Variants in EYS observed in about 807,000 individuals in gnomAD.
The protein encoded by EYS is EGF-like photoreceptor maintenance factor.
In EYS, 250 loss-of-function variants were observed where a neutral mutation model predicts 282.1. That is an observed-to-expected ratio of 0.89 (90% confidence interval 0.80 to 0.98). The LOEUF (loss-of-function observed/expected upper bound fraction) is 0.98. Ranked by LOEUF, EYS falls within the 50% of genes least tolerant of loss-of-function variation. The pLI is 0.00. For synonymous variants in EYS, 1,355 were observed against 1,282.9 expected (o/e 1.06, Z -1.20); for missense variants, 4,016 against 3,709.0 (o/e 1.08, Z -2.15).
chr6:64,488,535 T>C (rs1483929884), intron 26 of EYS, among the ~76,000 whole-genome samples: 1 of 151,108 alleles, frequency 6.6e-6, no homozygotes, highest in Non-Finnish European at 1.5e-5. Flanking sequence ...TAAGACACTC[T>C]GCCATATGCA....
chr6:65,466,616 T>C (rs73741589), intron 5 of EYS, among the ~76,000 whole-genome samples: 2,679 of 151,516 alleles, frequency 0.018, 75 homozygotes, highest in African/African-American at 0.062. Context: ...ATAAGAGATA[T>C]TTGGAAATTG....
At position 64,948,458 on chromosome 6, in the gene EYS, TTATTAAA is replaced by T. The variant is rs1327850007; in HGVS notation, c.2260-2551_2260-2545del. On this transcript the variant is annotated intron_variant, in intron 14 of 42. Transcript: ENST00000503581. ...ATAATATTAAATATTGTATTTAATA[TTATTAAA>T]TATTAAATATTAATAACTATTAAAT... 5.4e-5 allele frequency among the ~76,000 whole-genome samples: 8 copies of T among 147,194 alleles called. No homozygotes were observed. In the East Asian group the frequency reaches 7.8e-4, roughly 14 times the overall value.
chr6:64,939,841 C>T (rs942640900), intron 15 of EYS, among the ~76,000 whole-genome samples: 4 of 152,032 alleles, frequency 2.6e-5, no homozygotes, highest in African/African-American at 9.6e-5. Flanking sequence ...TCAACAATTT[C>T]ATAGAACATC....
chr6:64,852,137 T>C (rs1208819841), intron 19 of EYS, among the ~76,000 whole-genome samples: 3 of 110,862 alleles, frequency 2.7e-5, no homozygotes, highest in African/African-American at 9.0e-5. Context: ...TTCACAGTTT[T>C]ATGCTGTGAT....
At chr6:64,418,470 C>A (rs575725510) in intron 28 of EYS, among the ~76,000 whole-genome samples, 1 of 152,032 alleles carries the variant, frequency 6.6e-6, no homozygotes, top group African/African-American at 2.4e-5. Flanking sequence ...TCTGTGTGTT[C>A]GAATGAGAAA....
Position 63,788,198 on chromosome 6 carries a change from G to C in EYS, c.7630C>G (p.Leu2544Val), listed in dbSNP as rs1770415885. ...SIIAPGRLVG[L>V]NVFSQFYVGG... ...ACATAAAACTGACTGAAGACATTGAGACCAACCAGTCTTCCTGGGGCGATA... is the reference window on the plus strand; with the variant it reads ...ACATAAAACTGACTGAAGACATTGACACCAACCAGTCTTCCTGGGGCGATA... The change falls in exon 39 of 43, where the codon CTC becomes GTC. Residue 2544 changes from leucine (L) to valine (V), a missense_variant. By Grantham distance (32) the Leu-to-Val change is conservative. Transcript: ENST00000503581. The C allele has an allele frequency of 6.5e-7, 1 of 1,547,764 alleles. No individual in the cohort carries two copies. The highest frequency in any genetic ancestry group is 2.5e-5 in the East Asian group (1 of 40,778).
chr6:64,467,887 T>A (rs1775978441), intron 26 of EYS, among the ~76,000 whole-genome samples: 1 of 152,020 alleles, frequency 6.6e-6, no homozygotes, highest in African/African-American at 2.4e-5. Flanking sequence ...CTCAAGGGGT[T>A]TGGGGATTGG....
chr6:63,883,569 T>G (rs994335551), intron 35 of EYS, among the ~76,000 whole-genome samples: 6 of 152,238 alleles, frequency 3.9e-5, no homozygotes, highest in Non-Finnish European at 8.8e-5. Context: ...CCCAGCAGAA[T>G]AGAATCCTCG....
intron 12 of EYS, among the ~76,000 whole-genome samples, chr6:65,240,637 T>G (rs1767034539): frequency 6.6e-6 from 1 of 152,192 alleles, no homozygotes; most frequent in Non-Finnish European, 1.5e-5. Context: ...TATGGCTGCA[T>G]AGTATTCTGT....
At chr6:65,161,388 A>T (rs1278837896) in intron 12 of EYS, among the ~76,000 whole-genome samples, 1 of 150,922 alleles carries the variant, frequency 6.6e-6, no homozygotes, top group Non-Finnish European at 1.5e-5. Flanking sequence ...TTCCCATAGG[A>T]TAATGTACAA....
intron 1 of EYS, among the ~76,000 whole-genome samples, chr6:65,670,567 C>T (rs1191185819): frequency 6.6e-6 from 1 of 151,976 alleles, no homozygotes; most frequent in Admixed American, 6.6e-5. Context: ...CTGGGTTAAT[C>T]ATCCAAACTC....
At chr6:64,268,467 TGAAA>T (rs1291767275) in intron 30 of EYS, among the ~76,000 whole-genome samples, 3 of 151,998 alleles carry the variant, frequency 2.0e-5, no homozygotes, top group Non-Finnish European at 4.4e-5. Flanking sequence ...TACATAATAA[TGAAA>T]GAACAATATA....
In EYS at chr6:64,550,717, G is replaced by A. The variant is rs567042504; in HGVS notation, c.5644+39506C>T. ...GATTGTATATCTAGAAAACCCCATC[G>A]TCTCAGCCCAAAATCTCCTTAAGCT... On this transcript the variant is annotated intron_variant, in intron 26 of 42. Coordinates refer to ENST00000503581, the MANE Select transcript of EYS (RefSeq NM_001142800.2). Among the ~76,000 whole-genome samples, 23 of 152,142 alleles carry A rather than the reference G, an allele frequency of 1.5e-4. No homozygotes were observed. The South Asian group carries it at 2.3e-3, about 15-fold the overall frequency.
At chr6:65,227,819 A>C (rs1187824981) in intron 12 of EYS, among the ~76,000 whole-genome samples, 1 of 152,108 alleles carries the variant, frequency 6.6e-6, no homozygotes, top group Non-Finnish European at 1.5e-5. Context: ...AGCCAGACAA[A>C]AAAAGGACAG....
intron 5 of EYS, among the ~76,000 whole-genome samples, chr6:65,453,472 A>C (rs1764484671): frequency 6.6e-6 from 1 of 152,034 alleles, no homozygotes; most frequent in Admixed American, 6.6e-5. Context: ...ATAATGACCC[A>C]ATCAGGGTAG....
At chr6:65,645,815 G>A (rs890758291) in intron 1 of EYS, among the ~76,000 whole-genome samples, 1 of 151,894 alleles carries the variant, frequency 6.6e-6, no homozygotes. Flanking sequence ...GAAGTTTGAA[G>A]TATGCTCAAT....
chr6:63,926,599 C>G (rs1305506207), intron 35 of EYS, among the ~76,000 whole-genome samples: 2 of 152,162 alleles, frequency 1.3e-5, no homozygotes, highest in Non-Finnish European at 2.9e-5. Context: ...ATTATCAGTA[C>G]AGGAACTAGA....
At chr6:64,269,521 A>C (rs1332495847) in intron 30 of EYS, among the ~76,000 whole-genome samples, 1 of 152,032 alleles carries the variant, frequency 6.6e-6, no homozygotes, top group East Asian at 1.9e-4. Context: ...ACTATTTCAC[A>C]AACAAACCAA....
chr6:64,674,880 G>A (rs561724034), intron 22 of EYS, among the ~76,000 whole-genome samples: 5 of 151,920 alleles, frequency 3.3e-5, no homozygotes, highest in South Asian at 2.1e-4. Flanking sequence ...AAGTTTTAAC[G>A]CTTGAAAACT....
Sources: gnomAD v4.1 joint callset for allele counts (sites outside exome capture counted in the v4.1 genomes callset) on GRCh38, gnomAD v4.1.1 for gene constraint, MANE v1.5 for transcripts, NCBI Gene and HGNC (gene_info 2026-07-23, HGNC 2026-07-21) for gene names.